Variants in KAT6B observed in about 807,000 individuals in gnomAD.
KAT6B encodes lysine acetyltransferase 6B.
In KAT6B, 10 loss-of-function variants were observed where a neutral mutation model predicts 187.5. The observed-to-expected ratio is 0.05, with a 90% CI of 0.03 to 0.09. The LOEUF is 0.09. KAT6B is among the 10% of genes least tolerant of loss of function. KAT6B has a pLI of 1.00. For synonymous variants in KAT6B, 861 were observed against 926.8 expected (o/e 0.93, Z 1.29); for missense variants, 1,952 against 2,558.9 (o/e 0.76, Z 5.12).
At chr10:74,866,606 A>G (rs1354100360) in intron 3 of KAT6B, among the ~76,000 whole-genome samples, 1 of 152,194 alleles carries the variant, frequency 6.6e-6, no homozygotes, top group African/African-American at 2.4e-5. Context: ...AAAGGAGTCT[A>G]TATCATTATT....
In KAT6B at chr10:75,030,913, C is replaced by T. The variant is rs1846275465; in HGVS notation, c.6089C>T (p.Thr2030Ile). 6.2e-7 allele frequency: 1 copy of T among 1,613,932 alleles called. No individual in the cohort carries two copies. The highest frequency in any genetic ancestry group is 8.5e-7 in the Non-Finnish European group (1 of 1,180,018). ...PMQMQMGMMG[T>I]QPYAQQPMQT... The stretch of plus-strand genomic sequence containing the variant: ...CAGATGCAGATGGGCATGATGGGCA[C>T]CCAGCCATATGCCCAGCAGCCAATG... The change falls in exon 18 of 18, where the codon ACC (threonine) becomes ATC (isoleucine). Residue 2030 changes from threonine to isoleucine, a missense_variant. Around this residue, in one of 9 missense-constraint regions of KAT6B, gnomAD observed 358 missense variants for 436.3 expected, o/e 0.82. Transcript: ENST00000287239. The surrounding 1 kb of genome is among the most constrained non-coding windows in gnomAD (Gnocchi z 4.8).
At chr10:74,878,928 ATC>A (rs769242318) in intron 3 of KAT6B, among the ~76,000 whole-genome samples, 49 of 152,188 alleles carry the variant, frequency 3.2e-4, no homozygotes, top group Non-Finnish European at 6.9e-4. Context: ...TCTAGGCACC[ATC>A]TCTCTATTCC....
At chr10:74,934,046 C>T (rs1414632403) in intron 3 of KAT6B, among the ~76,000 whole-genome samples, 3 of 151,904 alleles carry the variant, frequency 2.0e-5, no homozygotes, top group East Asian at 3.9e-4. Flanking sequence ...ATTAGCTGGG[C>T]GTGGTGGCAG....
intron 6 of KAT6B, among the ~76,000 whole-genome samples, chr10:74,972,049 T>A (rs979276425): frequency 1.3e-5 from 2 of 152,142 alleles, no homozygotes; most frequent in Admixed American, 1.3e-4. Flanking sequence ...TACTCAAAAC[T>A]TTTATTTAAA....
At chr10:74,864,141 C>A (rs1328542287) in intron 3 of KAT6B, among the ~76,000 whole-genome samples, 1 of 150,814 alleles carries the variant, frequency 6.6e-6, no homozygotes, top group Admixed American at 6.6e-5. Flanking sequence ...CGATCTCAGC[C>A]CACTGCAACC....
At chr10:74,995,887 G>A (rs1317531938) in intron 13 of KAT6B, among the ~76,000 whole-genome samples, 1 of 152,214 alleles carries the variant, frequency 6.6e-6, no homozygotes, top group East Asian at 1.9e-4. Context: ...TAGGTAATAA[G>A]TGAGCAGATA....
intron 11 of KAT6B, chr10:74,984,260 A>T (rs1842692989): frequency 6.6e-6 from 1 of 152,228 alleles, no homozygotes; most frequent in African/African-American, 2.4e-5. Context: ...GAGACCTGAG[A>T]ATGGTCAAGT....
At chr10:74,847,702 TA>T (rs952897677) in intron 3 of KAT6B, among the ~76,000 whole-genome samples, 3 of 151,974 alleles carry the variant, frequency 2.0e-5, no homozygotes, top group African/African-American at 4.8e-5. Flanking sequence ...CATTTTTCCT[TA>T]AAAAATGTGA....
intron 11 of KAT6B, chr10:74,982,961 T>A (rs569901895): frequency 6.6e-6 from 1 of 152,376 alleles, no homozygotes; most frequent in Non-Finnish European, 1.5e-5. Context: ...AGGTTGTAGG[T>A]TTCTCACATG....
At chr10:74,832,853 G>C (rs1408400182) in intron 1 of KAT6B, among the ~76,000 whole-genome samples, 2 of 151,428 alleles carry the variant, frequency 1.3e-5, no homozygotes, top group African/African-American at 4.9e-5. Flanking sequence ...GGCCGGGCAT[G>C]ATGGCTCATG....
chr10:74,969,338 C>T lies in KAT6B; in HGVS notation c.731-322C>T, dbSNP rs116227999. Among the ~76,000 whole-genome samples, 234 of 152,268 alleles carry T rather than the reference C, an allele frequency of 1.5e-3. 1 individual carries two copies. Among genetic ancestry groups the T allele is most frequent in the African/African-American group, 5.2e-3 (215 of 41,542 alleles). On this transcript the variant is annotated intron_variant, in intron 4 of 17. Transcript: ENST00000287239. ...CTGGGTAGATGGTGGTTGATGAAGACGGCAAGTACAGGTGCAGGAGTAAGA... is the reference window on the plus strand; with the variant it reads ...CTGGGTAGATGGTGGTTGATGAAGATGGCAAGTACAGGTGCAGGAGTAAGA...
chr10:75,024,882 A>T, intron 16 of KAT6B, 76 bp from the exon 17 acceptor site: 1 of 1,335,004 alleles, frequency 7.5e-7, no homozygotes, highest in Non-Finnish European at 1.1e-6. Flanking sequence ...CGCGTTCAGT[A>T]CATGTCTACT....
At chr10:74,989,140 T>C in intron 13 of KAT6B, 28 bp downstream of exon 13, 1 of 1,513,146 alleles carries the variant, frequency 6.6e-7, no homozygotes, top group Non-Finnish European at 9.2e-7. Flanking sequence ...TTTACTTTCA[T>C]GATCCAGGAA....
At chr10:74,966,810 G>T (rs1253798607) in intron 4 of KAT6B, among the ~76,000 whole-genome samples, 1 of 151,844 alleles carries the variant, frequency 6.6e-6, no homozygotes, top group African/African-American at 2.4e-5. Flanking sequence ...GTGGATTCTT[G>T]AGGCCAGGAA....
chr10:74,942,491 C>G (rs1275331979), intron 3 of KAT6B, among the ~76,000 whole-genome samples: 2 of 151,956 alleles, frequency 1.3e-5, no homozygotes, highest in Non-Finnish European at 2.9e-5. Context: ...TCTGGCTGGG[C>G]ATGGTGGCTC....
At chr10:74,847,919 T>A (rs1220370601) in intron 3 of KAT6B, among the ~76,000 whole-genome samples, 1 of 149,356 alleles carries the variant, frequency 6.7e-6, no homozygotes, top group African/African-American at 2.5e-5. Context: ...TTTTTCTTTT[T>A]CTTTTTTTTT....
rs1213052388 is a variant in KAT6B at position 75,020,799 on chromosome 10, C to T, written c.2847C>T (p.Asp949=). 1 of 1,613,888 alleles carries T rather than the reference C, an allele frequency of 6.2e-7. No individual in the cohort carries two copies. Among genetic ancestry groups the T allele is most frequent in the Non-Finnish European group, 8.5e-7 (1 of 1,179,994 alleles). Residue 949 remains aspartate (D), a synonymous_variant, in exon 14 of 18, where the codon GAC becomes GAT. Transcript: ENST00000287239. ...CTCTGCAGCACCTCCACATGATCGA[C>T]AAGAGAGATGGCAGGTGAGTCCTGG... ...ATTLQHLHMI[D]KRDGRFVIIR...
chr10:74,961,770 G>A (rs977190264), intron 4 of KAT6B, among the ~76,000 whole-genome samples: 2 of 152,082 alleles, frequency 1.3e-5, no homozygotes, highest in African/African-American at 2.4e-5. Flanking sequence ...CTTACTTTTC[G>A]CTCAGACTTT....
At chr10:75,022,656 CG>C (rs1845527993) in intron 16 of KAT6B, among the ~76,000 whole-genome samples, 1 of 152,182 alleles carries the variant, frequency 6.6e-6, no homozygotes, top group African/African-American at 2.4e-5. Context: ...CTGGGTTGGG[CG>C]CAGTGGCTCA....
Sources: gnomAD v4.1 joint callset for allele counts (sites outside exome capture counted in the v4.1 genomes callset) on GRCh38, gnomAD v4.1.1 for gene constraint, gnomAD v4.1.1 regional missense constraint, Gnocchi (gnomAD v3.1) non-coding constraint, MANE v1.5 for transcripts, NCBI Gene and HGNC (gene_info 2026-07-23, HGNC 2026-07-21) for gene names.